The following CSTL1 variants were observed in gnomAD, a reference collection of about 807,000 sequenced individuals.
CSTL1 encodes cystatin like 1.
In CSTL1, 14 loss-of-function variants were observed where a neutral mutation model predicts 14.4. That is an observed-to-expected ratio of 0.97 (90% CI 0.64 to 1.52). The LOEUF (loss-of-function observed/expected upper bound fraction) is 1.52, where lower values mean the gene tolerates loss of function less well. Among genes scored for constraint, CSTL1 ranks in the 40% most tolerant of loss-of-function variants. The pLI is 0.00. For synonymous variants in CSTL1, 72 were observed against 67.5 expected, an observed-to-expected ratio of 1.07 and a Z score of -0.33; for missense variants, 170 against 168.7, an observed-to-expected ratio of 1.01 and a Z score of -0.04.
the CSTL1 span, among the ~76,000 whole-genome samples, chr20:23,456,510 C>T: frequency 6.6e-6 from 1 of 152,118 alleles, no homozygotes; most frequent in Non-Finnish European, 1.5e-5. Flanking sequence ...CTGCTGTGCT[C>T]CCAAGCCTTG....
intron 2 of CSTL1, among the ~76,000 whole-genome samples, chr20:23,442,066 G>A (rs1383127550): frequency 1.3e-5 from 2 of 152,254 alleles, no homozygotes; most frequent in Non-Finnish European, 2.9e-5. Context: ...AGACCCCAAG[G>A]AGGCTTGCCT....
the CSTL1 span, chr20:23,459,273 A>C: frequency 1.3e-5 from 2 of 152,124 alleles, no homozygotes; most frequent in Non-Finnish European, 2.9e-5. Flanking sequence ...ACAAAGTCAG[A>C]CTGGCTGGAC....
the CSTL1 span, among the ~76,000 whole-genome samples, chr20:23,453,240 C>T: frequency 8.6e-5 from 13 of 151,742 alleles, no homozygotes; most frequent in African/African-American, 2.9e-4. Flanking sequence ...GGGGAGGGGC[C>T]GCCTGCACCG....
chr20:23,440,079 G>A, intron 1 of CSTL1, 65 bp from the exon 2 acceptor site: 1 of 633,052 alleles, frequency 1.6e-6, no homozygotes, highest in Non-Finnish European at 2.7e-6. Context: ...GTGTAAATGG[G>A]TAGAAAATGA....
chr20:23,452,583 C>A, the CSTL1 span: 1 of 1,603,674 alleles, frequency 6.2e-7, no homozygotes. Flanking sequence ...CATACACTCA[C>A]CTGCCTCTGG....
intron 2 of CSTL1, among the ~76,000 whole-genome samples, chr20:23,441,050 C>T (rs771540108): frequency 5.3e-5 from 8 of 152,212 alleles, no homozygotes; most frequent in Non-Finnish European, 1.0e-4. Flanking sequence ...TGAGATACCA[C>T]GCCCGGCCAG....
chr20:23,452,968 A>T, the CSTL1 span: 4 of 613,258 alleles, frequency 6.5e-6, no homozygotes, highest in African/African-American at 7.4e-5. Flanking sequence ...CAGCAGCTGA[A>T]CTCGAGGGGA....
chr20:23,452,980 AG>A, the CSTL1 span: 1 of 608,322 alleles, frequency 1.6e-6, no homozygotes, highest in Admixed American at 2.9e-5. Context: ...TCGAGGGGAG[AG>A]CAGCAAGAGA....
the CSTL1 span, chr20:23,452,866 C>T: frequency 1.4e-5 from 20 of 1,392,806 alleles, no homozygotes; most frequent in African/African-American, 4.3e-5. Flanking sequence ...AGGGACAAGT[C>T]GAATCACACT....
In CSTL1 at chr20:23,440,502, T is replaced by G; in HGVS notation, c.219+16T>G. The G allele has an allele frequency of 6.4e-7, 1 of 1,566,180 alleles. No homozygotes were observed. The highest frequency in any genetic ancestry group is 8.8e-7 in the Non-Finnish European group (1 of 1,136,466). ...TCAGATGCAGGTTTGTACCTTGCTC[T>G]CCCAAGACATCAGCAGGCCCTGTTC... is the stretch of plus-strand genomic sequence containing the variant. On this transcript the variant is annotated intron_variant, in intron 2 of 3. Transcript: ENST00000347397.
At chr20:23,455,148 C>T in the CSTL1 span, among the ~76,000 whole-genome samples, 6 of 152,192 alleles carry the variant, frequency 3.9e-5, no homozygotes, top group African/African-American at 1.4e-4. Flanking sequence ...ATTGTGGTGC[C>T]TTGTGCCCTT....
chr20:23,446,178 A>G (rs1008860656), downstream of CSTL1, among the ~76,000 whole-genome samples: 5 of 152,148 alleles, frequency 3.3e-5, no homozygotes, highest in Admixed American at 6.5e-5. Flanking sequence ...AAAGTTTTCT[A>G]TCAGTGTAGG....
chr20:23,461,046 A>G, the CSTL1 span, among the ~76,000 whole-genome samples: 2 of 152,142 alleles, frequency 1.3e-5, no homozygotes, highest in Non-Finnish European at 2.9e-5. Context: ...TTGTTGTCTT[A>G]TTTTCAGAAA....
At chr20:23,449,694 A>C (rs1987034808), downstream of CSTL1, among the ~76,000 whole-genome samples, 1 of 152,106 alleles carries the variant, frequency 6.6e-6, no homozygotes, top group Admixed American at 6.5e-5. Context: ...CTTCTGTGGA[A>C]AGAAAGCCCC....
downstream of CSTL1, among the ~76,000 whole-genome samples, chr20:23,447,655 T>A (rs1986995043): frequency 6.6e-6 from 1 of 152,108 alleles, no homozygotes; most frequent in Admixed American, 6.5e-5. Context: ...GAGATGGGGT[T>A]TCACCATGTT....
At chr20:23,449,398 GTGTGTGTGTGTA>G (rs1468852370), downstream of CSTL1, among the ~76,000 whole-genome samples, 3 of 151,588 alleles carry the variant, frequency 2.0e-5, no homozygotes, top group Admixed American at 2.0e-4. Flanking sequence ...CCGTGTGTAT[GTGTGTGTGTGTA>G]TGTGTGTGTG....
chr20:23,461,093 C>G, the CSTL1 span, among the ~76,000 whole-genome samples: 4 of 152,214 alleles, frequency 2.6e-5, no homozygotes, highest in Non-Finnish European at 5.9e-5. Flanking sequence ...AACCACCAGT[C>G]TGATCAGTCA....
At chr20:23,453,110 T>G in the CSTL1 span, among the ~76,000 whole-genome samples, 1 of 151,998 alleles carries the variant, frequency 6.6e-6, no homozygotes, top group African/African-American at 2.4e-5. Flanking sequence ...CAGCATTGTC[T>G]TGGTGGGAGC....
chr20:23,452,758 A>T, the CSTL1 span: 1 of 1,614,162 alleles, frequency 6.2e-7, no homozygotes, highest in Non-Finnish European at 8.5e-7. Flanking sequence ...GGGCCATCAG[A>T]GTCAATAGAA....
Sources: gnomAD v4.1 joint callset for allele counts (sites outside exome capture counted in the v4.1 genomes callset) on GRCh38, gnomAD v4.1.1 for gene constraint, MANE v1.5 for transcripts, NCBI Gene and HGNC (gene_info 2026-07-23, HGNC 2026-07-21) for gene names.